TBCK: variants seen among roughly 807,000 people sequenced by gnomAD.
TBCK encodes TBC domain-containing protein kinase-like protein.
TBCK carries 99 observed loss-of-function variants against 113.4 expected under a neutral mutation model. The observed-to-expected ratio is 0.87, with a 90% CI of 0.74 to 1.03. The LOEUF is 1.03. Ranked by LOEUF, TBCK falls within the 50% of genes least tolerant of loss-of-function variation. TBCK has a pLI of 0.00. For missense variants in TBCK, 1,045 were observed against 1,061.3 expected (o/e 0.98, Z 0.21); for synonymous variants, 369 against 370.8 (o/e 1.00, Z 0.05).
intron 20 of TBCK, among the ~76,000 whole-genome samples, chr4:106,199,117 T>C (rs1299699319): frequency 6.6e-6 from 1 of 152,172 alleles, no homozygotes; most frequent in East Asian, 1.9e-4. Context: ...ATTCATTAAA[T>C]AGTCTCTCAA....
intron 23 of TBCK, among the ~76,000 whole-genome samples, chr4:106,116,924 T>A (rs1435491037): frequency 1.3e-5 from 2 of 152,048 alleles, no homozygotes; most frequent in African/African-American, 4.8e-5. Context: ...AATAATAATA[T>A]AAATAAAGTG....
At chr4:106,309,726 C>A (rs1767983114) in intron 1 of TBCK, among the ~76,000 whole-genome samples, 1 of 152,044 alleles carries the variant, frequency 6.6e-6, no homozygotes, top group South Asian at 2.1e-4. Context: ...GAATAGGGGA[C>A]CTTATTAATA....
chr4:106,246,737 T>G (rs1196891606), intron 10 of TBCK, among the ~76,000 whole-genome samples: 1 of 152,158 alleles, frequency 6.6e-6, no homozygotes, highest in African/African-American at 2.4e-5. Context: ...TGGCTGCAAT[T>G]TGCTATTTCC....
intron 23 of TBCK, among the ~76,000 whole-genome samples, chr4:106,158,332 C>G (rs1749356636): frequency 6.6e-6 from 1 of 152,104 alleles, no homozygotes; most frequent in Admixed American, 6.5e-5. Context: ...CACCTGAGGT[C>G]AGGAGTTCGA....
At chr4:106,198,239 A>G (rs1754483090) in intron 20 of TBCK, among the ~76,000 whole-genome samples, 1 of 152,170 alleles carries the variant, frequency 6.6e-6, no homozygotes, top group Non-Finnish European at 1.5e-5. Flanking sequence ...TTTTTGAAAT[A>G]GGAAAACTAA....
At chr4:106,126,956 C>A (rs1005426290) in intron 23 of TBCK, among the ~76,000 whole-genome samples, 1 of 152,000 alleles carries the variant, frequency 6.6e-6, no homozygotes, top group Non-Finnish European at 1.5e-5. Context: ...TGCCTGTATT[C>A]CCCAGCTCTT....
chr4:106,241,312 A>G (rs1323375657), intron 12 of TBCK, among the ~76,000 whole-genome samples: 1 of 151,966 alleles, frequency 6.6e-6, no homozygotes, highest in Non-Finnish European at 1.5e-5. Flanking sequence ...CATTTTAAAT[A>G]CATCAATTCT....
intron 23 of TBCK, among the ~76,000 whole-genome samples, chr4:106,161,717 TGTGTG>T (rs1477230178): frequency 6.6e-6 from 1 of 151,960 alleles, no homozygotes; most frequent in Non-Finnish European, 1.5e-5. Context: ...TGTGTGTGTG[TGTGTG>T]TGTGTGTATG....
At chr4:106,313,982 G>C (rs965816218) in intron 1 of TBCK, among the ~76,000 whole-genome samples, 6 of 152,156 alleles carry the variant, frequency 3.9e-5, no homozygotes, top group African/African-American at 1.2e-4. Context: ...ATGGCACAGG[G>C]ATCATGAAGT....
intron 23 of TBCK, among the ~76,000 whole-genome samples, chr4:106,132,310 C>T (rs767585342): frequency 3.9e-5 from 6 of 152,220 alleles, no homozygotes; most frequent in African/African-American, 9.6e-5. Flanking sequence ...TGCCCTGCAA[C>T]ACAACTGCTT....
At chr4:106,101,370 T>C (rs1471973678) in intron 24 of TBCK, among the ~76,000 whole-genome samples, 1 of 152,192 alleles carries the variant, frequency 6.6e-6, no homozygotes, top group African/African-American at 2.4e-5. Context: ...TACAATTGGA[T>C]GGAAATTTTA....
In TBCK at chr4:106,116,294, G is replaced by A; in HGVS notation, c.2320C>T (p.Leu774Phe). The A allele has an allele frequency of 1.2e-6, 2 of 1,613,772 alleles. No homozygotes were observed. The change falls in exon 24 of 26, where the codon CTC becomes TTC. Residue 774 changes from leucine (L) to phenylalanine (F), a missense_variant. Physicochemically the swap from Leu to Phe is conservative, Grantham distance 22. Coordinates refer to ENST00000394708, the MANE Select transcript of TBCK (RefSeq NM_001163435.3). ...GTTTTGAAGTGGCCTGTCACTGTGA[G>A]CTCACACAAGTCAATCAGGTCCTCT... ...SAEDLIDLCE[L>F]TVTGHFKTPS...
intron 25 of TBCK, among the ~76,000 whole-genome samples, chr4:106,062,518 C>T (rs947108927): frequency 1.6e-4 from 25 of 151,886 alleles, no homozygotes; most frequent in Non-Finnish European, 3.1e-4. Context: ...ACAAAGTACG[C>T]TATGCCCTGA....
intron 22 of TBCK, among the ~76,000 whole-genome samples, chr4:106,172,325 A>G (rs1369836807): frequency 6.6e-6 from 1 of 152,112 alleles, no homozygotes; most frequent in African/African-American, 2.4e-5. Context: ...GGTTACTACA[A>G]CTCTATATTG....
intron 25 of TBCK, among the ~76,000 whole-genome samples, chr4:106,067,728 A>G (rs1220036251): frequency 2.0e-5 from 3 of 152,190 alleles, no homozygotes; most frequent in Non-Finnish European, 4.4e-5. Context: ...CAGTTTTCCC[A>G]GCACCATTTG....
chr4:106,168,225 A>G (rs559903261), intron 23 of TBCK, among the ~76,000 whole-genome samples: 2 of 151,950 alleles, frequency 1.3e-5, no homozygotes, highest in African/African-American at 4.8e-5. Context: ...TTGCACCAAC[A>G]AGCTAAAGAA....
At chr4:106,303,788 G>C (rs1174062866) in intron 2 of TBCK, among the ~76,000 whole-genome samples, 1 of 152,012 alleles carries the variant, frequency 6.6e-6, no homozygotes, top group Non-Finnish European at 1.5e-5. Context: ...TTTTTTGCCT[G>C]ATAAGAGACC....
intron 1 of TBCK, among the ~76,000 whole-genome samples, chr4:106,312,811 A>C (rs1456932708): frequency 1.3e-5 from 2 of 152,222 alleles, no homozygotes; most frequent in African/African-American, 4.8e-5. Flanking sequence ...TTTATGAAAG[A>C]AGCAGACACA....
At chr4:106,121,028 A>G (rs1403067636) in intron 23 of TBCK, among the ~76,000 whole-genome samples, 1 of 152,166 alleles carries the variant, frequency 6.6e-6, no homozygotes, top group African/African-American at 2.4e-5. Context: ...GAGCTACGGG[A>G]GGACATTCAA....
Sources: gnomAD v4.1 joint callset for allele counts (sites outside exome capture counted in the v4.1 genomes callset) on GRCh38, gnomAD v4.1.1 for gene constraint, MANE v1.5 for transcripts, NCBI Gene and HGNC (gene_info 2026-07-23, HGNC 2026-07-21) for gene names.